MTFMT: variants seen among roughly 807,000 people sequenced by gnomAD.
MTFMT encodes the protein methionyl-tRNA formyltransferase, mitochondrial.
Under a neutral mutation model 51.8 loss-of-function variants are expected in MTFMT, and 47 were observed. The observed-to-expected ratio is 0.91, with a 90% CI of 0.72 to 1.16. The LOEUF is 1.16. MTFMT is among the 50% of genes most tolerant of loss of function. The pLI is 0.00. For synonymous variants in MTFMT, 196 were observed against 176.7 expected, an observed-to-expected ratio of 1.11 and a Z score of -0.87; for missense variants, 512 against 482.3, an observed-to-expected ratio of 1.06 and a Z score of -0.58.
At chr15:65,014,281 T>G (rs2086296808) in intron 6 of MTFMT, among the ~76,000 whole-genome samples, 1 of 151,766 alleles carries the variant, frequency 6.6e-6, no homozygotes, top group Non-Finnish European at 1.5e-5. Flanking sequence ...TATCACATGA[T>G]CCTATTTTTA....
Position 65,003,015 on chromosome 15 carries a change from T to A in MTFMT, c.*47A>T, listed in dbSNP as rs777603471. 4 of 1,249,676 alleles carry A rather than the reference T, an allele frequency of 3.2e-6. No homozygotes were observed. Among genetic ancestry groups the A allele is most frequent in the African/African-American group, 1.5e-5 (1 of 65,426 alleles). The allele number at this position is 1,249,676 out of a possible 1,614,324, so 77.4% of individuals were successfully genotyped here. A position where few individuals can be genotyped will look rare whatever the true frequency, so the allele number is the denominator to read the frequency against. On this transcript the variant is annotated 3_prime_UTR_variant, in exon 9 of 9. Coordinates refer to ENST00000220058, the MANE Select transcript of MTFMT (RefSeq NM_139242.4). Reference sequence around the variant, plus strand: ...GATAATTCCTTGTAAATAAGGTTTTTAATAAATTACAAATATGTAATAGGT... The same window carrying A: ...GATAATTCCTTGTAAATAAGGTTTTAAATAAATTACAAATATGTAATAGGT...
At chr15:65,019,934 TG>T (rs2086357051) in intron 5 of MTFMT, among the ~76,000 whole-genome samples, 1 of 152,114 alleles carries the variant, frequency 6.6e-6, no homozygotes, top group Non-Finnish European at 1.5e-5. Flanking sequence ...TTGTTGACTC[TG>T]GGGTAAACTG....
chr15:65,025,236 A>AG (rs1294001541), intron 2 of MTFMT, among the ~76,000 whole-genome samples: 2 of 150,710 alleles, frequency 1.3e-5, no homozygotes, highest in African/African-American at 4.9e-5. Context: ...TCTCTAAAAA[A>AG]AAAAAAAAAA....
chr15:65,017,224 G>A (rs2086331442), intron 5 of MTFMT, among the ~76,000 whole-genome samples: 1 of 151,932 alleles, frequency 6.6e-6, no homozygotes, highest in Admixed American at 6.6e-5. Flanking sequence ...AAACTGAGAA[G>A]AAAAAGACCA....
At chr15:65,005,792 G>A (rs1457387999) in intron 7 of MTFMT, among the ~76,000 whole-genome samples, 1 of 152,092 alleles carries the variant, frequency 6.6e-6, no homozygotes, top group African/African-American at 2.4e-5. Flanking sequence ...GTATTTAGTA[G>A]AGACGGGGCT....
Position 65,027,525 on chromosome 15 carries a change from AT to A in MTFMT, c.210-486del, listed in dbSNP as rs1312914872. Among the ~76,000 whole-genome samples, 3 of 152,102 alleles carry A rather than the reference AT, an allele frequency of 2.0e-5. No homozygotes were observed. The East Asian group carries it at 5.8e-4, about 29-fold the overall frequency. ...AGTTTTCATTTTTTATTTAATTTTA[AT>A]TATTTAAAATGTAAAGAGTGACACG... On this transcript the variant is annotated intron_variant, in intron 1 of 8. Coordinates refer to ENST00000220058, the MANE Select transcript of MTFMT (RefSeq NM_139242.4).
chr15:65,029,629 C>G lies in MTFMT; in HGVS notation c.-16G>C. ...ACACCCTCATCGCCTCGGCCGCCGG[C>G]GGCCGGCCCTGCGCAGGCGCATCGG... is the stretch of plus-strand genomic sequence containing the variant. On this transcript the variant is annotated 5_prime_UTR_variant, in exon 1 of 9. Coordinates refer to ENST00000220058, the MANE Select transcript of MTFMT (RefSeq NM_139242.4). The G allele has an allele frequency of 7.3e-7, 1 of 1,372,094 alleles. No individual in the cohort carries two copies. Among genetic ancestry groups the G allele is most frequent in the Non-Finnish European group, 9.4e-7 (1 of 1,060,240 alleles). 85.0% of individuals were successfully genotyped at this position (1,372,094 alleles called of 1,614,324 possible).
chr15:65,007,086 G>A (rs1054273966), intron 6 of MTFMT, among the ~76,000 whole-genome samples: 1 of 152,236 alleles, frequency 6.6e-6, no homozygotes, highest in African/African-American at 2.4e-5. Context: ...TGGGGGTGGA[G>A]CCACCAGGAA....
At chr15:65,021,830 A>C (rs1438466831) in intron 3 of MTFMT, among the ~76,000 whole-genome samples, 1 of 152,154 alleles carries the variant, frequency 6.6e-6, no homozygotes, top group Non-Finnish European at 1.5e-5. Flanking sequence ...AAAATAAATA[A>C]AGATAGTTTA....
chr15:65,019,465 A>G (rs1431341682), intron 5 of MTFMT, among the ~76,000 whole-genome samples: 2 of 152,026 alleles, frequency 1.3e-5, no homozygotes, highest in Admixed American at 1.3e-4. Flanking sequence ...AGAAGAAAAC[A>G]AATGTCACTG....
At chr15:65,017,405 C>T (rs1273324059) in intron 5 of MTFMT, among the ~76,000 whole-genome samples, 3 of 152,196 alleles carry the variant, frequency 2.0e-5, no homozygotes, top group Non-Finnish European at 4.4e-5. Flanking sequence ...TGCCTGTTAT[C>T]TTCCTAATCT....
chr15:65,022,531 C>T (rs558622803), intron 3 of MTFMT, among the ~76,000 whole-genome samples: 1 of 150,836 alleles, frequency 6.6e-6, no homozygotes, highest in Admixed American at 6.6e-5. Flanking sequence ...TCTGTAAACA[C>T]TGGTCATAGG....
chr15:65,021,475 T>C, intron 4 of MTFMT, 39 bp downstream of exon 4: 1 of 1,462,172 alleles, frequency 6.8e-7, no homozygotes, highest in Non-Finnish European at 9.6e-7. Context: ...GGAAACCCAC[T>C]AAATGAGTAA....
rs377758917 is a variant in MTFMT at position 65,006,160 on chromosome 15, G to A, written c.845C>T (p.Thr282Ile). ...IPLQTLWMAN[T>I]IKLLDLVEVN... is the part of the protein sequence containing the mutation. ...TTCTACCAAATCCAGAAGTTTAATGGTATTCGCCATCCAGAGCGTCTGCAA... is the reference window on the plus strand; with the variant it reads ...TTCTACCAAATCCAGAAGTTTAATGATATTCGCCATCCAGAGCGTCTGCAA... Residue 282 changes from threonine to isoleucine, a missense_variant, in exon 7 of 9, where the codon ACC (threonine) becomes ATC (isoleucine). Transcript: ENST00000220058. 88 of 1,612,556 alleles carry A rather than the reference G, an allele frequency of 5.5e-5. No homozygotes were observed. Among genetic ancestry groups the A allele is most frequent in the Non-Finnish European group, 7.1e-5 (84 of 1,179,206 alleles).
chr15:65,016,900 C>A (rs2086328180), intron 5 of MTFMT, among the ~76,000 whole-genome samples: 1 of 151,518 alleles, frequency 6.6e-6, no homozygotes. Context: ...TGTGCCTCAG[C>A]CTCCCGAGTA....
intron 6 of MTFMT, among the ~76,000 whole-genome samples, chr15:65,008,367 G>A (rs1008173468): frequency 6.6e-6 from 1 of 151,992 alleles, no homozygotes; most frequent in African/African-American, 2.4e-5. Flanking sequence ...ACATACCTGA[G>A]ATCCTACAGC....
At chr15:65,004,406 C>A (rs975643690) in intron 8 of MTFMT, among the ~76,000 whole-genome samples, 9 of 152,154 alleles carry the variant, frequency 5.9e-5, no homozygotes, top group African/African-American at 1.2e-4. Context: ...CTTCTCAGAA[C>A]ACACCATGAT....
chr15:65,014,245 C>T (rs765691233), intron 6 of MTFMT, among the ~76,000 whole-genome samples: 16 of 151,876 alleles, frequency 1.1e-4, no homozygotes, highest in Middle Eastern at 3.2e-3. Flanking sequence ...TCCCCATCAC[C>T]GATCTAAAAT....
chr15:65,028,163 T>G (rs1470186221), intron 1 of MTFMT, among the ~76,000 whole-genome samples: 1 of 152,204 alleles, frequency 6.6e-6, no homozygotes, highest in Non-Finnish European at 1.5e-5. Flanking sequence ...CTCAGGCCTG[T>G]AATCTCAGCA....
Sources: gnomAD v4.1 joint callset for allele counts (sites outside exome capture counted in the v4.1 genomes callset) on GRCh38, gnomAD v4.1.1 for gene constraint, MANE v1.5 for transcripts, NCBI Gene and HGNC (gene_info 2026-07-23, HGNC 2026-07-21) for gene names.